Variants in SMYD1 observed in about 807,000 individuals in gnomAD.
The protein encoded by SMYD1 is SET and MYND domain containing 1.
SMYD1 carries 49 observed loss-of-function variants against 54.0 expected under a neutral mutation model. The ratio of observed to expected loss-of-function variants is 0.91; its 90% CI spans 0.72 to 1.15. SMYD1 has a LOEUF of 1.15. Ranked by LOEUF, SMYD1 falls within the 50% of genes most tolerant of loss-of-function variation. SMYD1 has a pLI of 0.00. For synonymous variants in SMYD1, 269 were observed against 234.2 expected (o/e 1.15, Z -1.36); for missense variants, 653 against 639.6 (o/e 1.02, Z -0.23).
chr2:88,096,613 A>G lies in SMYD1; in HGVS notation c.717A>G (p.Leu239=), dbSNP rs1674594158. The change falls in exon 6 of 10, where the codon CTA becomes CTG. Residue 239 remains leucine, a synonymous_variant. Coordinates refer to ENST00000419482, the MANE Select transcript of SMYD1 (RefSeq NM_198274.4). ...GCTTCAGAATTGAGCTCCGGGCCCT[A>G]GGCAAGATCTCAGAAGGAGAGGAGC... ...HTQMRIELRA[L]GKISEGEELT... 1 of 1,612,996 alleles carries G rather than the reference A, an allele frequency of 6.2e-7. No individual in the cohort carries two copies. The highest frequency in any genetic ancestry group is 8.5e-7 in the Non-Finnish European group (1 of 1,179,468).
At chr2:88,081,856 T>C (rs1171330717) in intron 1 of SMYD1, among the ~76,000 whole-genome samples, 1 of 152,158 alleles carries the variant, frequency 6.6e-6, no homozygotes, top group Non-Finnish European at 1.5e-5. Context: ...GGCACCATAA[T>C]TGTGAAGTGT....
intron 2 of SMYD1, among the ~76,000 whole-genome samples, chr2:88,085,023 T>C (rs766884865): frequency 6.6e-6 from 1 of 152,162 alleles, no homozygotes; most frequent in Non-Finnish European, 1.5e-5. Context: ...GTGCTGGGAT[T>C]ACAACTGTGA....
At chr2:88,104,154 GA>G (rs1336236291) in intron 7 of SMYD1, among the ~76,000 whole-genome samples, 2 of 152,052 alleles carry the variant, frequency 1.3e-5, no homozygotes, top group Non-Finnish European at 2.9e-5. Flanking sequence ...TTTCAGTAGA[GA>G]AGGGGTTTCA....
chr2:88,108,556 G>A lies in SMYD1; in HGVS notation c.1314+17G>A, dbSNP rs758223625. 7 of 1,563,344 alleles carry A rather than the reference G, an allele frequency of 4.5e-6. No homozygotes were observed. The highest frequency in any genetic ancestry group is 2.7e-5 in the African/African-American group (2 of 73,252). On this transcript the variant is annotated intron_variant, in intron 9 of 9. Transcript: ENST00000419482. The stretch of plus-strand genomic sequence containing the variant: ...GACTTAGAGGCAAGTAGCGTCTTGA[G>A]GCTGGTGTTCCCTTCCTGGCCTGAG...
intron 1 of SMYD1, among the ~76,000 whole-genome samples, chr2:88,074,012 A>G (rs1348491797): frequency 1.3e-5 from 2 of 152,170 alleles, no homozygotes; most frequent in African/African-American, 2.4e-5. Flanking sequence ...GGAAAGAATC[A>G]GGGAGGGAAG....
intron 1 of SMYD1, among the ~76,000 whole-genome samples, chr2:88,069,895 G>C (rs555114753): frequency 6.6e-6 from 1 of 152,136 alleles, no homozygotes; most frequent in South Asian, 2.1e-4. Context: ...TAAGGGCTAC[G>C]TCTTCTTCTA....
chr2:88,073,736 T>C (rs1238042563), intron 1 of SMYD1, among the ~76,000 whole-genome samples: 1 of 152,254 alleles, frequency 6.6e-6, no homozygotes, highest in Non-Finnish European at 1.5e-5. Flanking sequence ...ATCCCAATAC[T>C]GGCCAACACA....
chr2:88,095,318 CAGG>C (rs2104001095), intron 5 of SMYD1, among the ~76,000 whole-genome samples: 1 of 152,312 alleles, frequency 6.6e-6, no homozygotes, highest in South Asian at 2.1e-4. Flanking sequence ...GCAGGCTCCA[CAGG>C]AGTTGTTTTT....
chr2:88,088,049 C>T lies in SMYD1; in HGVS notation c.502C>T (p.Gln168Ter). ...GCCGCAGAGCCAGCAGTTCAGCATG[C>T]AGTACATCTCGCACATCTTCGGAGT... ...WPPQSQQFSM[Q>*]YISHIFGVIN... The change falls in exon 3 of 10, where the codon CAG becomes TAG. Residue 168 changes from glutamine to a stop codon, truncating the protein, a stop_gained. Transcript: ENST00000419482. LOFTEE classifies it high-confidence loss of function. 6.2e-7 allele frequency: 1 copy of T among 1,614,016 alleles called. No individual in the cohort carries two copies. The highest frequency in any genetic ancestry group is 1.1e-5 in the South Asian group (1 of 91,070).
chr2:88,100,578 G>T (rs1051773690), intron 6 of SMYD1, among the ~76,000 whole-genome samples: 2 of 152,144 alleles, frequency 1.3e-5, no homozygotes, highest in African/African-American at 4.8e-5. Context: ...CAGATTGATG[G>T]CACACCTCTG....
intron 5 of SMYD1, among the ~76,000 whole-genome samples, chr2:88,094,026 C>T (rs1674520426): frequency 6.6e-6 from 1 of 152,220 alleles, no homozygotes. Flanking sequence ...CTTACTGCTT[C>T]TGACCAACTA....
chr2:88,091,540 C>A (rs1456368866), intron 4 of SMYD1, among the ~76,000 whole-genome samples: 1 of 152,086 alleles, frequency 6.6e-6, no homozygotes, highest in Non-Finnish European at 1.5e-5. Flanking sequence ...GAAGTGTGGA[C>A]AGGGTTTAAG....
chr2:88,099,363 G>A (rs1026307086), intron 6 of SMYD1, among the ~76,000 whole-genome samples: 11 of 152,106 alleles, frequency 7.2e-5, no homozygotes, highest in Non-Finnish European at 1.2e-4. Context: ...CGGGATTACA[G>A]GCATGAGCCA....
chr2:88,068,152 G>C, intron 1 of SMYD1, 151 bp downstream of exon 1: 1 of 1,136,526 alleles, frequency 8.8e-7, no homozygotes, highest in African/African-American at 1.6e-5. Flanking sequence ...AATTTTTCTG[G>C]CACAAATTTT....
At chr2:88,094,313 A>T (rs540010306) in intron 5 of SMYD1, among the ~76,000 whole-genome samples, 2 of 152,276 alleles carry the variant, frequency 1.3e-5, no homozygotes, top group East Asian at 3.9e-4. Flanking sequence ...TGCTCTAGGG[A>T]CCTTCCTAGT....
At chr2:88,100,038 TCTC>T in intron 6 of SMYD1, among the ~76,000 whole-genome samples, 1 of 146,698 alleles carries the variant, frequency 6.8e-6, no homozygotes, top group Middle Eastern at 3.5e-3. Flanking sequence ...TCCTGCTCCT[TCTC>T]CTATGCCTCT....
chr2:88,084,593 C>A, intron 2 of SMYD1, 101 bp downstream of exon 2: 1 of 1,178,222 alleles, frequency 8.5e-7, no homozygotes, highest in East Asian at 2.5e-5. Context: ...AAGCTGAGTG[C>A]AAGTCAGGAA....
chr2:88,104,099 T>C (rs1016927642), intron 7 of SMYD1, among the ~76,000 whole-genome samples: 5 of 152,040 alleles, frequency 3.3e-5, no homozygotes, highest in Non-Finnish European at 5.9e-5. Flanking sequence ...CCCAAGTAGC[T>C]GGGACTACAG....
At chr2:88,092,302 G>A (rs1455273571) in intron 4 of SMYD1, among the ~76,000 whole-genome samples, 1 of 152,144 alleles carries the variant, frequency 6.6e-6, no homozygotes, top group East Asian at 1.9e-4. Context: ...GGATTTGGGG[G>A]TGGGGTACAA....
Sources: gnomAD v4.1 joint callset for allele counts (sites outside exome capture counted in the v4.1 genomes callset) on GRCh38, gnomAD v4.1.1 for gene constraint, MANE v1.5 for transcripts, NCBI Gene and HGNC (gene_info 2026-07-23, HGNC 2026-07-21) for gene names.